Variants in KCNQ3 observed in about 807,000 individuals in gnomAD.
KCNQ3 encodes potassium voltage-gated channel subfamily KQT member 3.
A neutral mutation model predicts 92.5 loss-of-function variants in KCNQ3; 30 were observed. The ratio of observed to expected loss-of-function variants is 0.32; its 90% CI spans 0.24 to 0.44. KCNQ3 has a LOEUF of 0.44. KCNQ3 is among the 20% of genes least tolerant of loss of function. The pLI is 1.00. For missense variants in KCNQ3, 913 were observed against 1,140.3 expected (o/e 0.80, Z 2.87); for synonymous variants, 450 against 468.8 (o/e 0.96, Z 0.52).
chr8:132,307,043 G>A (rs1817447379), intron 1 of KCNQ3, among the ~76,000 whole-genome samples: 1 of 152,204 alleles, frequency 6.6e-6, no homozygotes, highest in South Asian at 2.1e-4. Context: ...ATTACTTATA[G>A]CTGAGGCTGA....
chr8:132,250,562 T>C (rs1291476877), intron 1 of KCNQ3, among the ~76,000 whole-genome samples: 3 of 152,162 alleles, frequency 2.0e-5, no homozygotes, highest in African/African-American at 7.2e-5. Flanking sequence ...TACCTTAAAA[T>C]ACAGAGTCGA....
chr8:132,304,405 A>G (rs1459182899), intron 1 of KCNQ3, among the ~76,000 whole-genome samples: 3 of 152,202 alleles, frequency 2.0e-5, no homozygotes, highest in African/African-American at 7.2e-5. Flanking sequence ...GGCTCCACCA[A>G]TAATAACCAT....
rs184860811 is a variant in KCNQ3, at chr8:132,414,427, G to A, written c.386+65720C>T. Among the ~76,000 whole-genome samples, 13 of 152,326 alleles carry A rather than the reference G, an allele frequency of 8.5e-5. 1 individual carries two copies. The East Asian group carries it at 1.2e-3, about 14-fold the overall frequency. On this transcript the variant is annotated intron_variant, in intron 1 of 14. Coordinates refer to ENST00000388996, the MANE Select transcript of KCNQ3 (RefSeq NM_004519.4). ...GTGGATCAGGCAGGATGACTTGCTC[G>A]GAGCCCTCGCCAGCCCAAGGCATGT...
chr8:132,134,728 G>C (rs1825020262), intron 12 of KCNQ3, among the ~76,000 whole-genome samples: 1 of 151,816 alleles, frequency 6.6e-6, no homozygotes, highest in Non-Finnish European at 1.5e-5. Context: ...ACCACTGAGA[G>C]AGGTGACGGC....
intron 1 of KCNQ3, among the ~76,000 whole-genome samples, chr8:132,342,055 T>G (rs1818545361): frequency 6.6e-6 from 1 of 152,196 alleles, no homozygotes; most frequent in Non-Finnish European, 1.5e-5. Flanking sequence ...CACTGGGTAT[T>G]GATCCATCAA....
Position 132,128,731 on chromosome 8 carries a change from T to TATC in KCNQ3, c.*528_*530dup, listed in dbSNP as rs1824751291. On this transcript the variant is annotated 3_prime_UTR_variant, in exon 15 of 15. Coordinates refer to ENST00000388996, the MANE Select transcript of KCNQ3 (RefSeq NM_004519.4). The stretch of plus-strand genomic sequence containing the variant: ...TTCTTTGTTTTAGAGACACAATGAC[T>TATC]ATCTCATTCCTTTCCTAATGTTAGC... 6.3e-6 allele frequency: 1 copy of TATC among 158,592 alleles called. No individual in the cohort carries two copies. The highest frequency in any genetic ancestry group is 1.4e-5 in the Non-Finnish European group (1 of 71,388). The allele number at this position is 158,592 out of a possible 1,614,324, so 9.8% of individuals were successfully genotyped here. A position where few individuals can be genotyped will look rare whatever the true frequency, so the allele number is the denominator to read the frequency against.
intron 3 of KCNQ3, 99 bp downstream of exon 3, chr8:132,184,142 G>A (rs553792036): frequency 4.0e-5 from 60 of 1,486,686 alleles, no homozygotes; most frequent in South Asian, 1.4e-4. Context: ...CCACAGTGCC[G>A]CGTGATTTCC....
At chr8:132,443,764 T>C (rs1415148767) in intron 1 of KCNQ3, among the ~76,000 whole-genome samples, 1 of 149,728 alleles carries the variant, frequency 6.7e-6, no homozygotes, top group East Asian at 2.0e-4. Flanking sequence ...TGTAGATTTC[T>C]ACGGGGTGAG....
At chr8:132,466,096 A>G (rs1490052829) in intron 1 of KCNQ3, among the ~76,000 whole-genome samples, 2 of 152,222 alleles carry the variant, frequency 1.3e-5, no homozygotes. Context: ...TGAGAACACT[A>G]TAATTCCAGC....
At chr8:132,281,841 G>C (rs963523443) in intron 1 of KCNQ3, among the ~76,000 whole-genome samples, 1 of 152,314 alleles carries the variant, frequency 6.6e-6, no homozygotes, top group African/African-American at 2.4e-5. Context: ...TCCTGTCAAA[G>C]ATCAAGGTGC....
intron 1 of KCNQ3, among the ~76,000 whole-genome samples, chr8:132,364,873 T>A: frequency 6.6e-6 from 1 of 152,308 alleles, no homozygotes; most frequent in Non-Finnish European, 1.5e-5. Flanking sequence ...TATATTTAAT[T>A]TAACCCTTTC....
chr8:132,183,617 T>C (rs1826864507), intron 3 of KCNQ3, among the ~76,000 whole-genome samples: 1 of 152,164 alleles, frequency 6.6e-6, no homozygotes, highest in African/African-American at 2.4e-5. Context: ...TGGTGAGAGT[T>C]TCCACCTCCT....
At chr8:132,322,119 T>C (rs963046820) in intron 1 of KCNQ3, among the ~76,000 whole-genome samples, 7 of 151,908 alleles carry the variant, frequency 4.6e-5, no homozygotes, top group African/African-American at 1.7e-4. Context: ...TGACGGGTAG[T>C]GGGAGCAAGG....
chr8:132,259,201 T>TA (rs909270414), intron 1 of KCNQ3, among the ~76,000 whole-genome samples: 2 of 151,872 alleles, frequency 1.3e-5, no homozygotes, highest in Admixed American at 6.6e-5. Context: ...AATATCAGAA[T>TA]AAAAAAACTA....
At chr8:132,170,256 T>C (rs2130108538) in intron 8 of KCNQ3, 78 bp downstream of exon 8, 1 of 1,033,080 alleles carries the variant, frequency 9.7e-7, no homozygotes, top group South Asian at 1.3e-5. Context: ...CAGGGACCCG[T>C]GAGGCCACAG....
At chr8:132,370,469 G>A (rs2130736993) in intron 1 of KCNQ3, among the ~76,000 whole-genome samples, 1 of 152,320 alleles carries the variant, frequency 6.6e-6, no homozygotes, top group South Asian at 2.1e-4. Context: ...CTGGTGTGGG[G>A]ACAGGGCAGC....
chr8:132,215,773 G>A (rs1183764181), intron 1 of KCNQ3, among the ~76,000 whole-genome samples: 1 of 152,206 alleles, frequency 6.6e-6, no homozygotes, highest in Non-Finnish European at 1.5e-5. Context: ...GTGAAGGCAC[G>A]GCTTCCCTGC....
At chr8:132,445,683 A>G (rs1391637744) in intron 1 of KCNQ3, among the ~76,000 whole-genome samples, 1 of 126,782 alleles carries the variant, frequency 7.9e-6, no homozygotes, top group Non-Finnish European at 1.6e-5. Flanking sequence ...CCAAAAAAAC[A>G]CACAAAAAAT....
At chr8:132,294,162 G>A (rs963760197) in intron 1 of KCNQ3, among the ~76,000 whole-genome samples, 6 of 151,910 alleles carry the variant, frequency 3.9e-5, no homozygotes, top group East Asian at 1.9e-4. Context: ...AACCACACCC[G>A]GCTAATTTTT....
Sources: allele counts gnomAD v4.1 joint callset (sites outside exome capture counted in the v4.1 genomes callset), GRCh38; gene constraint gnomAD v4.1.1; transcripts MANE v1.5; gene names NCBI Gene and HGNC (gene_info 2026-07-23, HGNC 2026-07-21).